PTPRN2: variants seen among roughly 807,000 people sequenced by gnomAD.
The protein encoded by PTPRN2 is protein tyrosine phosphatase receptor type N2.
Under a neutral mutation model 118.8 loss-of-function variants are expected in PTPRN2, and 74 were observed. The ratio of observed to expected loss-of-function variants is 0.62; its 90% confidence interval spans 0.52 to 0.76. PTPRN2 has a LOEUF of 0.76. Ranked by LOEUF, PTPRN2 falls within the 30% of genes least tolerant of loss-of-function variation. The pLI, the probability that PTPRN2 is intolerant of heterozygous loss-of-function variation, is 0.00. For missense variants in PTPRN2, 1,481 were observed against 1,394.4 expected (o/e 1.06, Z -0.99); for synonymous variants, 641 against 608.0 (o/e 1.05, Z -0.80).
intron 11 of PTPRN2, among the ~76,000 whole-genome samples, chr7:158,033,604 A>T (rs1353927033): frequency 6.6e-6 from 1 of 152,204 alleles, no homozygotes; most frequent in African/African-American, 2.4e-5. Flanking sequence ...TGGGTGGGTT[A>T]AAGCTTGTGG....
chr7:157,731,373 T>C (rs1307990335), intron 12 of PTPRN2, among the ~76,000 whole-genome samples: 2 of 152,306 alleles, frequency 1.3e-5, no homozygotes, highest in African/African-American at 4.8e-5. Flanking sequence ...ATCTGGCATA[T>C]GGCAGACATT....
intron 2 of PTPRN2, among the ~76,000 whole-genome samples, chr7:158,390,811 C>T (rs1811869101): frequency 6.6e-6 from 1 of 152,212 alleles, no homozygotes. Flanking sequence ...AATGTCCTCT[C>T]AAAATGCGAA....
intron 21 of PTPRN2, among the ~76,000 whole-genome samples, chr7:157,552,531 T>A (rs970843052): frequency 6.6e-6 from 1 of 152,108 alleles, no homozygotes; most frequent in African/African-American, 2.4e-5. Flanking sequence ...GGAGGCTCCA[T>A]GTGCTGGGGC....
chr7:157,891,049 C>A (rs1034091070), intron 12 of PTPRN2, among the ~76,000 whole-genome samples: 8 of 152,320 alleles, frequency 5.3e-5, no homozygotes, highest in Middle Eastern at 6.8e-3. Flanking sequence ...CAAAGGCCCC[C>A]CTCTGTCCCG....
At chr7:157,837,012 CATCCACCCACCACCACCT>C (rs1807989126) in intron 12 of PTPRN2, among the ~76,000 whole-genome samples, 1 of 150,354 alleles carries the variant, frequency 6.7e-6, no homozygotes, top group African/African-American at 2.4e-5. Context: ...TCCACCCACC[CATCCACCCACCACCACCT>C]GTCCACCCAC....
chr7:158,339,995 G>A (rs1483971876), intron 2 of PTPRN2, among the ~76,000 whole-genome samples: 2 of 79,390 alleles, frequency 2.5e-5, no homozygotes, highest in African/African-American at 4.8e-5. Flanking sequence ...GTCGCCCGCA[G>A]AAGTCACTCA....
intron 12 of PTPRN2, among the ~76,000 whole-genome samples, chr7:157,731,170 G>A (rs1442368566): frequency 6.6e-6 from 1 of 152,056 alleles, no homozygotes; most frequent in African/African-American, 2.4e-5. Flanking sequence ...TCGTCCAGTT[G>A]TCAAATCACT....
chr7:157,903,979 T>C lies in PTPRN2; in HGVS notation c.1724-5242A>G, dbSNP rs913224385. On this transcript the variant is annotated intron_variant, in intron 11 of 22. Transcript: ENST00000389418. The surrounding 1 kb of genome is among the most constrained non-coding windows in gnomAD (Gnocchi z 4.2). Reference sequence around the variant, plus strand: ...CATGTGCCCTCGTGACAGCGGCTGTTTTGCTGCATGTCTCATGGCCGGGCC... The same window carrying C: ...CATGTGCCCTCGTGACAGCGGCTGTCTTGCTGCATGTCTCATGGCCGGGCC... Among the ~76,000 whole-genome samples the C allele has an allele frequency of 2.0e-5, 3 of 152,104 alleles. No homozygotes were observed. The highest frequency in any genetic ancestry group is 4.4e-5 in the Non-Finnish European group (3 of 68,014).
intron 13 of PTPRN2, among the ~76,000 whole-genome samples, chr7:157,667,900 C>A (rs1014403968): frequency 4.6e-5 from 7 of 152,248 alleles, no homozygotes; most frequent in Non-Finnish European, 1.0e-4. Context: ...TGAGTGTGAG[C>A]CCAGTGGCAC....
At chr7:157,849,596 T>A (rs1809124934) in intron 12 of PTPRN2, among the ~76,000 whole-genome samples, 1 of 152,226 alleles carries the variant, frequency 6.6e-6, no homozygotes, top group Non-Finnish European at 1.5e-5. Context: ...TCTGACAAGG[T>A]TGGTGTGAAC....
intron 14 of PTPRN2, among the ~76,000 whole-genome samples, chr7:157,636,621 C>T (rs918770279): frequency 2.0e-5 from 3 of 152,186 alleles, no homozygotes; most frequent in South Asian, 2.1e-4. Flanking sequence ...ATTTCAAATT[C>T]CTGAAATGGC....
chr7:158,248,203 C>G (rs564401057), intron 3 of PTPRN2, among the ~76,000 whole-genome samples: 1 of 152,304 alleles, frequency 6.6e-6, no homozygotes, highest in East Asian at 1.9e-4. Flanking sequence ...CCCACCCCTT[C>G]CGTCTTGACA....
chr7:158,525,525 C>A lies in PTPRN2; in HGVS notation c.113-35740G>T, dbSNP rs1175855989. On this transcript the variant is annotated intron_variant, in intron 1 of 22. Coordinates refer to ENST00000389418, the MANE Select transcript of PTPRN2 (RefSeq NM_002847.5). This position sits in a 1 kb window ranked among gnomAD's most constrained non-coding sequence, Gnocchi z 4.1. Reference sequence around the variant, plus strand: ...CTGCAGAAATCCTGAGCTGGGGCCACCCCAGCCTCCCTGGCCCAGAACAGG... The same window carrying A: ...CTGCAGAAATCCTGAGCTGGGGCCAACCCAGCCTCCCTGGCCCAGAACAGG... Among the ~76,000 whole-genome samples the A allele has an allele frequency of 6.6e-6, 1 of 152,200 alleles. No homozygotes were observed. Among genetic ancestry groups the A allele is most frequent in the African/African-American group, 2.4e-5 (1 of 41,464 alleles).
At chr7:158,322,537 G>A (rs879772691) in intron 2 of PTPRN2, among the ~76,000 whole-genome samples, 8 of 71,746 alleles carry the variant, frequency 1.1e-4, no homozygotes, top group Middle Eastern at 7.6e-3. Context: ...CCCAGTGGGC[G>A]GCCAGGAGGG....
intron 5 of PTPRN2, among the ~76,000 whole-genome samples, chr7:158,171,858 AC>A (rs1416512219): frequency 2.4e-4 from 37 of 152,204 alleles, no homozygotes; most frequent in African/African-American, 8.7e-4. Flanking sequence ...AATTTTTAAG[AC>A]CGTAGCTGCC....
chr7:158,137,585 G>C (rs1157520106), intron 7 of PTPRN2, among the ~76,000 whole-genome samples: 1 of 151,988 alleles, frequency 6.6e-6, no homozygotes, highest in African/African-American at 2.4e-5. Flanking sequence ...ACCACTGGGC[G>C]ACCACCTAAC....
chr7:157,668,405 C>G (rs546076187), intron 13 of PTPRN2, among the ~76,000 whole-genome samples: 23 of 152,336 alleles, frequency 1.5e-4, no homozygotes, highest in African/African-American at 5.5e-4. Context: ...CGGGAGCCAA[C>G]TGAATGAAGC....
intron 9 of PTPRN2, among the ~76,000 whole-genome samples, chr7:158,129,979 A>G (rs1818038055): frequency 6.6e-6 from 1 of 152,204 alleles, no homozygotes; most frequent in African/African-American, 2.4e-5. Flanking sequence ...TGGAGTCCAT[A>G]TTTTAGTGTA....
intron 12 of PTPRN2, among the ~76,000 whole-genome samples, chr7:157,732,157 T>G (rs1313073046): frequency 1.3e-5 from 1 of 78,838 alleles, no homozygotes; most frequent in East Asian, 4.4e-4. Flanking sequence ...CAGTTACCCT[T>G]TCCCGTCCCA....
Sources: gnomAD v4.1 joint callset for allele counts (sites outside exome capture counted in the v4.1 genomes callset) on GRCh38, gnomAD v4.1.1 for gene constraint, Gnocchi (gnomAD v3.1) non-coding constraint, MANE v1.5 for transcripts, NCBI Gene and HGNC (gene_info 2026-07-23, HGNC 2026-07-21) for gene names.